Variants in THEMIS observed in about 807,000 individuals in gnomAD.
THEMIS encodes the protein thymocyte selection associated, also known as protein THEMIS.
THEMIS carries 37 observed loss-of-function variants against 52.6 expected under a neutral mutation model. That is an observed-to-expected ratio of 0.70 (90% CI 0.54 to 0.93). The LOEUF is 0.93. Among genes scored for constraint, THEMIS ranks in the 40% least tolerant of loss-of-function variants. The pLI, the probability that THEMIS is intolerant of heterozygous loss-of-function variation, is 0.00. For synonymous variants in THEMIS, 292 were observed against 272.7 expected, an observed-to-expected ratio of 1.07 and a Z score of -0.70; for missense variants, 808 against 763.1, an observed-to-expected ratio of 1.06 and a Z score of -0.69.
intron 2 of THEMIS, among the ~76,000 whole-genome samples, chr6:127,844,468 A>C (rs1779149981): frequency 6.6e-6 from 1 of 151,922 alleles, no homozygotes; most frequent in Admixed American, 6.6e-5. Context: ...AGTATAGTCT[A>C]AATATTAAAA....
chr6:127,703,335 C>A (rs943981998), downstream of THEMIS, among the ~76,000 whole-genome samples: 5 of 152,118 alleles, frequency 3.3e-5, no homozygotes, highest in African/African-American at 1.2e-4. Context: ...GCGTGAGACA[C>A]CGCGCCCGGC....
At chr6:127,858,763 G>A (rs993807050) in intron 1 of THEMIS, among the ~76,000 whole-genome samples, 5 of 151,878 alleles carry the variant, frequency 3.3e-5, no homozygotes, top group South Asian at 2.1e-4. Flanking sequence ...AGCAAATCTC[G>A]AATCTATTAA....
At chr6:127,907,863 T>C (rs1054624757) in intron 1 of THEMIS, among the ~76,000 whole-genome samples, 1 of 151,934 alleles carries the variant, frequency 6.6e-6, no homozygotes, top group African/African-American at 2.4e-5. Flanking sequence ...TTTTTTGAGA[T>C]GGAATCTTGC....
At chr6:127,885,487 A>G (rs556258183) in intron 1 of THEMIS, among the ~76,000 whole-genome samples, 67 of 152,172 alleles carry the variant, frequency 4.4e-4, no homozygotes, top group African/African-American at 1.5e-3. Flanking sequence ...AAAAAAAACT[A>G]TCTACTTTTA....
intron 4 of THEMIS, among the ~76,000 whole-genome samples, chr6:127,746,572 A>G (rs534213628): frequency 6.7e-6 from 1 of 148,836 alleles, no homozygotes; most frequent in Non-Finnish European, 1.5e-5. Context: ...GTGCTAAAAG[A>G]TTTAACAAGG....
At chr6:127,879,856 C>T (rs1421159305) in intron 1 of THEMIS, among the ~76,000 whole-genome samples, 1 of 151,966 alleles carries the variant, frequency 6.6e-6, no homozygotes, top group Non-Finnish European at 1.5e-5. Flanking sequence ...TAGGCCACTT[C>T]CACAGTTTGG....
At position 127,730,247 on chromosome 6, in the gene THEMIS, A is replaced by G. The variant is rs547568504; in HGVS notation, c.1759-10424T>C. On this transcript the variant is annotated intron_variant, in intron 4 of 5. Transcript: ENST00000368248. The stretch of plus-strand genomic sequence containing the variant: ...GTGCCACTGCAGTCCAGGCCTGGGC[A>G]ACAGAGACAGACCCTGTATCTATAG... Among the ~76,000 whole-genome samples, 38 of 144,322 alleles carry G rather than the reference A, an allele frequency of 2.6e-4. No homozygotes were observed. In the South Asian group the frequency reaches 6.6e-3, roughly 25 times the overall value. 94.7% of individuals were successfully genotyped at this position (144,322 alleles called of 152,430 possible). A position where few individuals can be genotyped will look rare whatever the true frequency, so the allele number is the denominator to read the frequency against.
chr6:127,738,585 A>C (rs569880864), intron 4 of THEMIS, among the ~76,000 whole-genome samples: 1 of 151,936 alleles, frequency 6.6e-6, no homozygotes, highest in South Asian at 2.1e-4. Context: ...TTATTCTGCA[A>C]CTCCATTTCA....
At chr6:127,885,976 C>T (rs751209947) in intron 1 of THEMIS, among the ~76,000 whole-genome samples, 7 of 152,072 alleles carry the variant, frequency 4.6e-5, no homozygotes, top group Admixed American at 6.6e-5. Flanking sequence ...CCCCATTGGA[C>T]ATTGCAATGT....
chr6:127,760,082 T>C (rs936957287), intron 4 of THEMIS, among the ~76,000 whole-genome samples: 16 of 130,884 alleles, frequency 1.2e-4, no homozygotes, highest in African/African-American at 3.8e-4. Flanking sequence ...GAATCGAATC[T>C]CTTTTTTTTT....
chr6:127,736,804 A>T (rs559713644), intron 4 of THEMIS, among the ~76,000 whole-genome samples: 1 of 149,020 alleles, frequency 6.7e-6, no homozygotes, highest in South Asian at 2.1e-4. Flanking sequence ...AAGAAGGATT[A>T]TCCCAGTTTT....
chr6:127,801,985 C>G (rs269997), intron 4 of THEMIS, among the ~76,000 whole-genome samples: 72,078 of 151,892 alleles, frequency 0.47, 18,061 homozygotes, highest in Non-Finnish European at 0.53. Context: ...AGTTGGATCA[C>G]CCTGAATTTG....
chr6:127,817,522 A>G (rs1334965926), intron 3 of THEMIS, among the ~76,000 whole-genome samples: 2 of 152,316 alleles, frequency 1.3e-5, no homozygotes, highest in Non-Finnish European at 2.9e-5. Flanking sequence ...GAGCAAAGTA[A>G]AATATTTTCA....
chr6:127,724,904 C>T (rs758952924), intron 4 of THEMIS, among the ~76,000 whole-genome samples: 33 of 152,030 alleles, frequency 2.2e-4, no homozygotes, highest in African/African-American at 6.3e-4. Context: ...AAGGCCATGC[C>T]GTTGAATAAA....
intron 1 of THEMIS, among the ~76,000 whole-genome samples, chr6:127,897,586 A>G (rs1235547216): frequency 6.6e-6 from 1 of 151,622 alleles, no homozygotes; most frequent in East Asian, 1.9e-4. Flanking sequence ...AACTAAAACC[A>G]TGAGCTACCA....
intron 1 of THEMIS, among the ~76,000 whole-genome samples, chr6:127,914,003 A>G (rs1781466739): frequency 6.6e-6 from 1 of 152,208 alleles, no homozygotes; most frequent in Non-Finnish European, 1.5e-5. Flanking sequence ...AGATTTTGGA[A>G]TATTTCCATA....
At chr6:127,734,324 T>C (rs1274431840) in intron 4 of THEMIS, among the ~76,000 whole-genome samples, 1 of 152,186 alleles carries the variant, frequency 6.6e-6, no homozygotes, top group Non-Finnish European at 1.5e-5. Flanking sequence ...AAGAATTTGC[T>C]GATTAAATCA....
chr6:127,820,926 T>C (rs189859988), intron 3 of THEMIS, among the ~76,000 whole-genome samples: 261 of 152,120 alleles, frequency 1.7e-3, no homozygotes, highest in African/African-American at 6.0e-3. Flanking sequence ...TAAACTGAAA[T>C]AGGTTTCATT....
At chr6:127,738,790 A>C (rs1252106675) in intron 4 of THEMIS, among the ~76,000 whole-genome samples, 1 of 152,164 alleles carries the variant, frequency 6.6e-6, no homozygotes, top group Non-Finnish European at 1.5e-5. Flanking sequence ...TCTGTCTAGG[A>C]CATTTCTGTA....
Sources: allele counts gnomAD v4.1 joint callset (sites outside exome capture counted in the v4.1 genomes callset), GRCh38; gene constraint gnomAD v4.1.1; transcripts MANE v1.5; gene names NCBI Gene and HGNC (gene_info 2026-07-23, HGNC 2026-07-21).